The following PLB1 variants were observed in gnomAD, a reference collection of about 807,000 sequenced individuals.
PLB1 encodes phospholipase B1, also known as phospholipase B1, membrane-associated.
Under a neutral mutation model 227.4 loss-of-function variants are expected in PLB1, and 242 were observed. The observed-to-expected ratio is 1.06, with a 90% CI of 0.96 to 1.18. The LOEUF is 1.18. Among genes scored for constraint, PLB1 ranks in the 50% most tolerant of loss-of-function variants. The pLI, the probability that PLB1 is intolerant of heterozygous loss-of-function variation, is 0.00. For missense variants in PLB1, 1,858 were observed against 1,816.3 expected (o/e 1.02, Z -0.42); for synonymous variants, 757 against 682.2 (o/e 1.11, Z -1.71).
At chr2:28,624,772 A>G (rs1687506432) in intron 49 of PLB1, among the ~76,000 whole-genome samples, 1 of 132,704 alleles carries the variant, frequency 7.5e-6, no homozygotes, top group Admixed American at 8.0e-5. Context: ...CTTACGAAGA[A>G]AGAGCTTGAG....
At chr2:28,629,369 G>C (rs780437369) in intron 53 of PLB1, among the ~76,000 whole-genome samples, 184 bp downstream of exon 53, 3 of 152,238 alleles carry the variant, frequency 2.0e-5, no homozygotes, top group Non-Finnish European at 4.4e-5. Context: ...TATGCAAGGT[G>C]CCTCATTTCT....
chr2:28,500,326 A>T (rs532657759), intron 1 of PLB1, among the ~76,000 whole-genome samples: 1 of 152,222 alleles, frequency 6.6e-6, no homozygotes, highest in South Asian at 2.1e-4. Flanking sequence ...CTAGTTGGTG[A>T]TGCCAAATTT....
chr2:28,505,927 C>G (rs1302258465), intron 1 of PLB1, among the ~76,000 whole-genome samples: 1 of 152,194 alleles, frequency 6.6e-6, no homozygotes, highest in African/African-American at 2.4e-5. Context: ...CCAACCCTCA[C>G]TTCACCTCAC....
chr2:28,518,998 T>G (rs533649726), intron 3 of PLB1, among the ~76,000 whole-genome samples: 1 of 152,338 alleles, frequency 6.6e-6, no homozygotes, highest in African/African-American at 2.4e-5. Context: ...CTGCCTTGAC[T>G]GGGGTTTCCA....
intron 33 of PLB1, chr2:28,596,151 T>G (rs1682879374): frequency 6.6e-6 from 1 of 152,256 alleles, no homozygotes; most frequent in African/African-American, 2.4e-5. Flanking sequence ...TCTATTTTTC[T>G]GTACACTTTA....
At chr2:28,580,458 T>C in intron 23 of PLB1, among the ~76,000 whole-genome samples, 1 of 152,204 alleles carries the variant, frequency 6.6e-6, no homozygotes, top group South Asian at 2.1e-4. Flanking sequence ...CTCACACCTG[T>C]AATCCCAGCA....
chr2:28,529,827 G>A (rs1670783151), intron 8 of PLB1, 48 bp downstream of exon 8: 15 of 1,578,404 alleles, frequency 9.5e-6, no homozygotes, highest in African/African-American at 1.3e-5. Context: ...TGGCTTTGCT[G>A]CAAGGCGGGC....
intron 23 of PLB1, among the ~76,000 whole-genome samples, chr2:28,580,669 A>G (rs1301166782): frequency 6.6e-6 from 1 of 151,906 alleles, no homozygotes; most frequent in Non-Finnish European, 1.5e-5. Flanking sequence ...AGCTGAGATC[A>G]TGCCACTGCA....
At chr2:28,635,283 C>G (rs1260083946) in intron 56 of PLB1, among the ~76,000 whole-genome samples, 2 of 152,176 alleles carry the variant, frequency 1.3e-5, no homozygotes, top group South Asian at 2.1e-4. Context: ...CTTTTCAGAT[C>G]GGCTTCTGGC....
chr2:28,572,608 G>A (rs1412475410), intron 20 of PLB1, among the ~76,000 whole-genome samples: 1 of 152,196 alleles, frequency 6.6e-6, no homozygotes, highest in Non-Finnish European at 1.5e-5. Flanking sequence ...TACAACATGG[G>A]TGAATGTTGA....
At chr2:28,604,446 C>T (rs911979827) in intron 40 of PLB1, among the ~76,000 whole-genome samples, 1 of 152,320 alleles carries the variant, frequency 6.6e-6, no homozygotes, top group East Asian at 1.9e-4. Context: ...AGAGAGTAGT[C>T]TACTTACAAT....
intron 49 of PLB1, among the ~76,000 whole-genome samples, chr2:28,623,406 G>T (rs1032276687): frequency 2.0e-5 from 3 of 152,160 alleles, no homozygotes; most frequent in African/African-American, 7.2e-5. Context: ...TCCTACCCAC[G>T]AGGGCTTATT....
At chr2:28,539,863 C>T (rs1422740027) in intron 11 of PLB1, among the ~76,000 whole-genome samples, 1 of 151,742 alleles carries the variant, frequency 6.6e-6, no homozygotes. Context: ...AAAGAGCTTC[C>T]CTCTATCCCA....
chr2:28,620,516 G>C, intron 47 of PLB1, 84 bp from the exon 48 acceptor site: 2 of 1,514,074 alleles, frequency 1.3e-6, no homozygotes, highest in East Asian at 2.4e-5. Context: ...CCCAGAACCC[G>C]GTTCCGGTTC....
At chr2:28,524,081 G>A (rs569179325) in intron 4 of PLB1, among the ~76,000 whole-genome samples, 2 of 152,372 alleles carry the variant, frequency 1.3e-5, no homozygotes, top group East Asian at 3.9e-4. Flanking sequence ...CTGGAGAGCT[G>A]CAGAGACGTG....
chr2:28,503,191 T>C (rs1667291227), intron 1 of PLB1, among the ~76,000 whole-genome samples: 1 of 152,166 alleles, frequency 6.6e-6, no homozygotes, highest in Non-Finnish European at 1.5e-5. Flanking sequence ...CTAACTCTGC[T>C]GTCCAGGTTG....
chr2:28,511,802 T>TTTTTTTTTTGG (rs1668293619), intron 1 of PLB1, among the ~76,000 whole-genome samples: 2 of 151,140 alleles, frequency 1.3e-5, no homozygotes, highest in South Asian at 2.1e-4. Flanking sequence ...TTTTTTTTTT[T>TTTTTTTTTTGG]GAGATGGAGT....
chr2:28,569,180 C>CA (rs1677578235), intron 20 of PLB1, among the ~76,000 whole-genome samples: 1 of 152,200 alleles, frequency 6.6e-6, no homozygotes, highest in African/African-American at 2.4e-5. Context: ...GTTTCTTTCT[C>CA]ACATCCTAGC....
intron 4 of PLB1, among the ~76,000 whole-genome samples, chr2:28,522,942 A>T (rs763506980): frequency 6.6e-6 from 1 of 152,238 alleles, no homozygotes; most frequent in Admixed American, 6.5e-5. Context: ...AAGACAGTGA[A>T]TTTAAGAAGA....
Sources: gnomAD v4.1 joint callset for allele counts (sites outside exome capture counted in the v4.1 genomes callset) on GRCh38, gnomAD v4.1.1 for gene constraint, MANE v1.5 for transcripts, NCBI Gene and HGNC (gene_info 2026-07-23, HGNC 2026-07-21) for gene names.